SCAI: variants seen among roughly 807,000 people sequenced by gnomAD.
SCAI encodes the protein protein SCAI.
In SCAI, 24 loss-of-function variants were observed where a neutral mutation model predicts 92.2. That is an observed-to-expected ratio of 0.26 (90% confidence interval 0.19 to 0.37). The LOEUF is 0.37. SCAI is among the 10% of genes least tolerant of loss of function. The probability of loss-of-function intolerance (pLI) is 1.00; values close to 1 mark genes in which losing one functional copy is unlikely to be tolerated. For synonymous variants in SCAI, 261 were observed against 258.6 expected (o/e 1.01, Z -0.09); for missense variants, 450 against 736.2 (o/e 0.61, Z 4.50).
In SCAI at chr9:125,073,165, C is replaced by A. The variant is rs1378831992; in HGVS notation, c.99-17158G>T. ...GGTCGCCCAGGCTGGAGTGCAGTGG[C>A]GCGATCTCGGCTCACTGCAAGCTCC... is the stretch of plus-strand genomic sequence containing the variant. On this transcript the variant is annotated intron_variant, in intron 2 of 17. Transcript: ENST00000336505. 1.5e-4 allele frequency among the ~76,000 whole-genome samples: 18 copies of A among 118,724 alleles called. No homozygotes were observed. The Admixed American group carries it at 1.7e-3, about 11-fold the overall frequency. 77.9% of individuals were successfully genotyped at this position (118,724 alleles called of 152,430 possible).
intron 6 of SCAI, among the ~76,000 whole-genome samples, chr9:125,026,402 G>GA (rs886334127): frequency 6.7e-5 from 10 of 148,562 alleles, no homozygotes; most frequent in Non-Finnish European, 1.3e-4. Context: ...AAAAGAGAGA[G>GA]AAAATTCAAA....
intron 2 of SCAI, among the ~76,000 whole-genome samples, chr9:125,109,693 G>GTATT (rs1337618012): frequency 1.9e-5 from 2 of 105,112 alleles, no homozygotes; most frequent in African/African-American, 3.6e-5. Context: ...ATCTATCTAT[G>GTATT]TATTTATTTT....
chr9:125,031,556 T>A (rs868295143), intron 3 of SCAI, among the ~76,000 whole-genome samples: 6 of 152,102 alleles, frequency 3.9e-5, no homozygotes, highest in African/African-American at 1.4e-4. Context: ...GCCACTTTTT[T>A]AAAAAAATAA....
In SCAI at chr9:125,079,742, T is replaced by C. The variant is rs1174034337; in HGVS notation, c.99-23735A>G. 2.6e-5 allele frequency among the ~76,000 whole-genome samples: 4 copies of C among 151,066 alleles called. No homozygotes were observed. The Admixed American group carries it at 2.7e-4, about 10-fold the overall frequency. On this transcript the variant is annotated intron_variant, in intron 2 of 17. Transcript: ENST00000336505. ...TGTTAGCATCCAAATTCATATGTAT[T>C]GGCAAACACGTTGGTGACTTAAAAA...
intron 9 of SCAI, among the ~76,000 whole-genome samples, chr9:125,004,003 C>T (rs909620153): frequency 2.0e-5 from 3 of 152,006 alleles, no homozygotes; most frequent in Non-Finnish European, 2.9e-5. Flanking sequence ...TGGTGAAACC[C>T]CATCTCTACT....
intron 5 of SCAI, among the ~76,000 whole-genome samples, chr9:125,027,589 C>T (rs139234089): frequency 1.1e-4 from 17 of 152,082 alleles, no homozygotes; most frequent in African/African-American, 2.9e-4. Flanking sequence ...GGCATGATCT[C>T]GGCTCACTGC....
intron 9 of SCAI, 45 bp downstream of exon 9, chr9:125,018,754 T>C: frequency 1.3e-6 from 2 of 1,517,096 alleles, no homozygotes; most frequent in Non-Finnish European, 1.8e-6. Context: ...AATAGCACTA[T>C]TTTTCACAGT....
chr9:124,987,332 T>TA (rs398113888), intron 14 of SCAI, among the ~76,000 whole-genome samples: 23 of 133,366 alleles, frequency 1.7e-4, no homozygotes, highest in South Asian at 1.2e-3. Flanking sequence ...GGCTTTTTTT[T>TA]ATTATTATTA....
intron 2 of SCAI, among the ~76,000 whole-genome samples, chr9:125,125,707 T>C (rs1835250066): frequency 6.6e-6 from 1 of 151,078 alleles, no homozygotes; most frequent in African/African-American, 2.4e-5. Flanking sequence ...TGGCAGGCAC[T>C]GTAATCCCAG....
chr9:125,140,701 A>G (rs2131278567), intron 2 of SCAI, among the ~76,000 whole-genome samples: 1 of 150,896 alleles, frequency 6.6e-6, no homozygotes, highest in East Asian at 1.9e-4. Context: ...AAAAAAAAAA[A>G]AAAAAAAAAG....
intron 14 of SCAI, among the ~76,000 whole-genome samples, chr9:124,979,967 A>C (rs1440200843): frequency 6.6e-6 from 1 of 151,084 alleles, no homozygotes; most frequent in Non-Finnish European, 1.5e-5. Flanking sequence ...GGAGAATGGC[A>C]TGAACCTGGG....
intron 2 of SCAI, among the ~76,000 whole-genome samples, chr9:125,116,433 T>C (rs535562594): frequency 8.2e-4 from 124 of 152,000 alleles, no homozygotes; most frequent in Admixed American, 2.6e-3. Context: ...AAAGAATATA[T>C]ACACACAAAC....
At chr9:124,975,273 C>T (rs985163884) in intron 15 of SCAI, 2 of 453,652 alleles carry the variant, frequency 4.4e-6, no homozygotes, top group Non-Finnish European at 8.9e-6. Flanking sequence ...AAGCCTCCAG[C>T]TTCTCTCAGG....
At chr9:125,016,375 A>T (rs1391805283) in intron 9 of SCAI, among the ~76,000 whole-genome samples, 1 of 136,226 alleles carries the variant, frequency 7.3e-6, no homozygotes, top group Non-Finnish European at 1.6e-5. Flanking sequence ...GAGACAGAGC[A>T]AGACTCTGTC....
chr9:125,004,750 TATATATATATATATATATATATATA>T (rs1832443674), intron 9 of SCAI, among the ~76,000 whole-genome samples: 16 of 14,952 alleles, frequency 1.1e-3, no homozygotes, highest in Middle Eastern at 0.036. Flanking sequence ...TATATATATA[TATATATATATATATATATATATATA>T]TATATTTTTT....
At chr9:125,068,839 T>C (rs912679873) in intron 2 of SCAI, among the ~76,000 whole-genome samples, 1 of 151,996 alleles carries the variant, frequency 6.6e-6, no homozygotes, top group African/African-American at 2.4e-5. Flanking sequence ...TTCAAAAACA[T>C]AAGGAACAAC....
intron 2 of SCAI, among the ~76,000 whole-genome samples, chr9:125,136,127 T>C (rs1403558324): frequency 6.6e-6 from 1 of 151,922 alleles, no homozygotes; most frequent in East Asian, 1.9e-4. Flanking sequence ...TTTTTTTTTT[T>C]TTTGAGACAG....
chr9:124,967,172 G>A (rs1458200013), intron 17 of SCAI, among the ~76,000 whole-genome samples: 4 of 152,062 alleles, frequency 2.6e-5, no homozygotes, highest in Admixed American at 6.6e-5. Flanking sequence ...AATAAAGGAC[G>A]GCTGTAATTT....
intron 2 of SCAI, among the ~76,000 whole-genome samples, chr9:125,109,932 C>T (rs1834898850): frequency 1.3e-5 from 2 of 152,192 alleles, no homozygotes; most frequent in Admixed American, 1.3e-4. Flanking sequence ...AAGTGACCCA[C>T]CCGCCTCGGC....
Sources: gnomAD v4.1 joint callset for allele counts (sites outside exome capture counted in the v4.1 genomes callset) on GRCh38, gnomAD v4.1.1 for gene constraint, MANE v1.5 for transcripts, NCBI Gene and HGNC (gene_info 2026-07-23, HGNC 2026-07-21) for gene names.